The following SLC16A7 variants were observed in gnomAD, a reference collection of about 807,000 sequenced individuals.
The protein encoded by SLC16A7 is monocarboxylate transporter 2.
SLC16A7 carries 33 observed loss-of-function variants against 34.9 expected under a neutral mutation model. That is an observed-to-expected ratio of 0.94 (90% CI 0.72 to 1.26). SLC16A7 has a LOEUF of 1.26. SLC16A7 is among the 50% of genes most tolerant of loss of function. SLC16A7 has a pLI of 0.00. For synonymous variants in SLC16A7, 201 were observed against 206.6 expected, an observed-to-expected ratio of 0.97 and a Z score of 0.23; for missense variants, 573 against 578.1, an observed-to-expected ratio of 0.99 and a Z score of 0.09.
At chr12:59,750,071 G>T (rs976996022) in intron 3 of SLC16A7, among the ~76,000 whole-genome samples, 2 of 152,128 alleles carry the variant, frequency 1.3e-5, no homozygotes, top group African/African-American at 2.4e-5. Context: ...AACTCAAGGT[G>T]CATTAAAGAC....
intron 4 of SLC16A7, among the ~76,000 whole-genome samples, chr12:59,771,578 A>C (rs564088375): frequency 6.6e-6 from 1 of 152,294 alleles, no homozygotes; most frequent in South Asian, 2.1e-4. Flanking sequence ...GACAAGTTAC[A>C]TGTTATCATA....
chr12:59,655,717 GT>G (rs1200730565), intron 2 of SLC16A7, among the ~76,000 whole-genome samples: 1 of 151,396 alleles, frequency 6.6e-6, no homozygotes, highest in Non-Finnish European at 1.5e-5. Context: ...GTTTTTTTAC[GT>G]TCATATTTTG....
intron 3 of SLC16A7, among the ~76,000 whole-genome samples, chr12:59,717,821 T>G (rs1875098794): frequency 6.6e-6 from 1 of 152,220 alleles, no homozygotes; most frequent in South Asian, 2.1e-4. Context: ...ATTTGAGTGA[T>G]TTTATTCTCT....
chr12:59,632,009 A>C (rs1401295117), intron 1 of SLC16A7, among the ~76,000 whole-genome samples: 2 of 151,944 alleles, frequency 1.3e-5, no homozygotes, highest in Non-Finnish European at 2.9e-5. Context: ...AAGACAGTAG[A>C]ATCAAAGATG....
Position 59,670,138 on chromosome 12 carries a change from T to A in SLC16A7, c.-31+14888T>A, listed in dbSNP as rs986398518. On this transcript the variant is annotated intron_variant, in intron 2 of 5. Transcript: ENST00000547379. ...CTTCCAGCTTCTGGTAAACCCAGGC[T>A]TTTCTTGATTGTGGCAGTAAAATTT... Among the ~76,000 whole-genome samples, 6 of 152,206 alleles carry A rather than the reference T, an allele frequency of 3.9e-5. No homozygotes were observed. In the South Asian group the frequency reaches 1.2e-3, roughly 32 times the overall value.
chr12:59,599,491 G>GA (rs1196048515), intron 1 of SLC16A7, among the ~76,000 whole-genome samples: 6 of 150,972 alleles, frequency 4.0e-5, no homozygotes, highest in African/African-American at 7.3e-5. Flanking sequence ...GGTGGACCAG[G>GA]AAAAAAAAAG....
intron 4 of SLC16A7, among the ~76,000 whole-genome samples, chr12:59,773,134 A>G (rs1204369668): frequency 6.6e-6 from 1 of 152,020 alleles, no homozygotes. Flanking sequence ...GCTCTGAAAC[A>G]TAATACCTGG....
chr12:59,728,279 T>C (rs1345270678), intron 3 of SLC16A7, among the ~76,000 whole-genome samples: 1 of 152,126 alleles, frequency 6.6e-6, no homozygotes, highest in Non-Finnish European at 1.5e-5. Flanking sequence ...CACTGCTAAT[T>C]CTCTGAGTTC....
At chr12:59,639,310 G>C (rs575308149) in intron 1 of SLC16A7, among the ~76,000 whole-genome samples, 14 of 152,158 alleles carry the variant, frequency 9.2e-5, no homozygotes, top group African/African-American at 3.4e-4. Flanking sequence ...CAAACTCTTT[G>C]TAACAATGAG....
In SLC16A7 at chr12:59,777,754, TA is replaced by T. The variant is rs1882905309; in HGVS notation, c.1181-1667del. On this transcript the variant is annotated intron_variant, in intron 5 of 5. Coordinates refer to ENST00000547379, the MANE Select transcript of SLC16A7 (RefSeq NM_001270623.2). Reference sequence around the variant, plus strand: ...TGCCATGCTGGTGTGCTGTACCCATTAACTCGTCATTTAGCATTAGGTATAT... The same window carrying T: ...TGCCATGCTGGTGTGCTGTACCCATTACTCGTCATTTAGCATTAGGTATAT... 2.6e-5 allele frequency among the ~76,000 whole-genome samples: 4 copies of T among 151,790 alleles called. No homozygotes were observed. The East Asian group carries it at 7.8e-4, about 29-fold the overall frequency.
At chr12:59,726,537 T>C (rs996855579) in intron 3 of SLC16A7, among the ~76,000 whole-genome samples, 1 of 152,172 alleles carries the variant, frequency 6.6e-6, no homozygotes, top group African/African-American at 2.4e-5. Context: ...CTTACTGCTC[T>C]TGGATATTGA....
chr12:59,607,448 C>T (rs556668087), intron 1 of SLC16A7, among the ~76,000 whole-genome samples: 24 of 152,196 alleles, frequency 1.6e-4, no homozygotes, highest in African/African-American at 5.1e-4. Flanking sequence ...GCATCTGGGA[C>T]GCTGATTCTT....
chr12:59,638,755 G>A (rs1880546602), intron 1 of SLC16A7, among the ~76,000 whole-genome samples: 1 of 152,086 alleles, frequency 6.6e-6, no homozygotes, highest in Non-Finnish European at 1.5e-5. Context: ...ATCAAATTAC[G>A]AGAAGAGTTT....
intron 1 of SLC16A7, among the ~76,000 whole-genome samples, chr12:59,636,271 C>T (rs987132035): frequency 6.6e-6 from 1 of 151,918 alleles, no homozygotes; most frequent in Admixed American, 6.6e-5. Flanking sequence ...TGTCAAGAAA[C>T]AATCAAAGAG....
intron 3 of SLC16A7, among the ~76,000 whole-genome samples, chr12:59,757,963 CAGA>C (rs1244388818): frequency 6.6e-6 from 1 of 152,072 alleles, no homozygotes; most frequent in Non-Finnish European, 1.5e-5. Flanking sequence ...CCAGAGTCAG[CAGA>C]AGGCTATTAG....
chr12:59,748,814 C>T (rs1361288651), intron 3 of SLC16A7, among the ~76,000 whole-genome samples: 1 of 152,110 alleles, frequency 6.6e-6, no homozygotes, highest in Non-Finnish European at 1.5e-5. Context: ...ATAAGACTTA[C>T]CTATAGATAT....
intron 5 of SLC16A7, among the ~76,000 whole-genome samples, chr12:59,778,578 T>C (rs1882982733): frequency 6.6e-6 from 1 of 152,152 alleles, no homozygotes; most frequent in East Asian, 1.9e-4. Context: ...CAAAACTAAA[T>C]ATAAGCTGAC....
At chr12:59,674,555 C>G (rs750989866) in intron 2 of SLC16A7, among the ~76,000 whole-genome samples, 4 of 152,058 alleles carry the variant, frequency 2.6e-5, no homozygotes, top group Admixed American at 6.6e-5. Flanking sequence ...ATCTGAACTG[C>G]GCTAATATTT....
At chr12:59,614,698 G>T (rs985192485) in intron 1 of SLC16A7, among the ~76,000 whole-genome samples, 2 of 151,026 alleles carry the variant, frequency 1.3e-5, no homozygotes, top group Non-Finnish European at 3.0e-5. Context: ...TATAAATGAG[G>T]ATCCAGCCGG....
Sources: allele counts gnomAD v4.1 joint callset (sites outside exome capture counted in the v4.1 genomes callset), GRCh38; gene constraint gnomAD v4.1.1; transcripts MANE v1.5; gene names NCBI Gene and HGNC (gene_info 2026-07-23, HGNC 2026-07-21).